The following CPS1 variants were observed in gnomAD, a reference collection of about 807,000 sequenced individuals.
The protein encoded by CPS1 is carbamoyl-phosphate synthase [ammonia], mitochondrial.
Under a neutral mutation model 174.6 loss-of-function variants are expected in CPS1, and 109 were observed. The observed-to-expected ratio is 0.62, with a 90% CI of 0.53 to 0.73. The LOEUF (loss-of-function observed/expected upper bound fraction) is 0.73, where lower values mean the gene tolerates loss of function less well. CPS1 is among the 30% of genes least tolerant of loss of function. The pLI is 0.00. For missense variants in CPS1, 1,689 were observed against 1,821.9 expected, an observed-to-expected ratio of 0.93 and a Z score of 1.33; for synonymous variants, 637 against 632.0, an observed-to-expected ratio of 1.01 and a Z score of -0.12.
chr2:210,576,276 C>T, intron 2 of CPS1, 70 bp from the exon 3 acceptor site: 2 of 1,474,072 alleles, frequency 1.4e-6, no homozygotes, highest in Non-Finnish European at 1.9e-6. Flanking sequence ...TAATTCAGAG[C>T]ATGTATGCAG....
upstream of CPS1, among the ~76,000 whole-genome samples, chr2:210,551,946 C>T (rs1250682593): frequency 6.6e-6 from 1 of 151,950 alleles, no homozygotes; most frequent in Non-Finnish European, 1.5e-5. Flanking sequence ...CTCCTACCAG[C>T]TTGTCCTAGT....
intron 21 of CPS1, among the ~76,000 whole-genome samples, chr2:210,623,409 T>G (rs1056799378): frequency 2.8e-4 from 43 of 151,852 alleles, no homozygotes; most frequent in African/African-American, 1.0e-3. Flanking sequence ...TGTCTAATAT[T>G]CTGTAGGTTT....
intron 32 of CPS1, 44 bp from the exon 33 acceptor site, chr2:210,663,079 T>G (rs769493305): frequency 5.8e-6 from 9 of 1,545,188 alleles, no homozygotes; most frequent in Non-Finnish European, 7.1e-6. Context: ...TTTTCTACTT[T>G]TCCCTCACAT....
chr2:210,578,889 T>C (rs1388061245), intron 4 of CPS1, among the ~76,000 whole-genome samples: 2 of 152,162 alleles, frequency 1.3e-5, no homozygotes, highest in East Asian at 1.9e-4. Flanking sequence ...AGCTTTTCTA[T>C]GTCAGAACTA....
At chr2:210,495,523 C>T (rs751898428) in intron 1 of CPS1, among the ~76,000 whole-genome samples, 4 of 152,182 alleles carry the variant, frequency 2.6e-5, no homozygotes, top group Non-Finnish European at 4.4e-5. Flanking sequence ...TCAGTACCCA[C>T]TCTGTCCCCA....
chr2:210,579,845 C>T, intron 5 of CPS1, 75 bp downstream of exon 5: 12 of 1,195,302 alleles, frequency 1.0e-5, no homozygotes, highest in Non-Finnish European at 1.2e-5. Context: ...GTGTTTCCCT[C>T]AGTGCCTAAG....
At chr2:210,586,777 A>G (rs1014456241) in intron 6 of CPS1, among the ~76,000 whole-genome samples, 21 of 152,086 alleles carry the variant, frequency 1.4e-4, no homozygotes, top group African/African-American at 4.8e-4. Flanking sequence ...TCTTAATGTC[A>G]GTGCAATTAA....
At chr2:210,666,691 T>C (rs748402402) in intron 33 of CPS1, among the ~76,000 whole-genome samples, 2 of 152,226 alleles carry the variant, frequency 1.3e-5, no homozygotes, top group African/African-American at 4.8e-5. Context: ...TCTATATCTC[T>C]GTTTTGGTAC....
intron 1 of CPS1, among the ~76,000 whole-genome samples, chr2:210,482,185 A>T (rs1055015181): frequency 2.0e-5 from 3 of 152,242 alleles, no homozygotes; most frequent in African/African-American, 7.2e-5. Flanking sequence ...CGGAAGCAGC[A>T]ATTCTCATAC....
At chr2:210,630,689 C>A (rs1388112087) in intron 21 of CPS1, among the ~76,000 whole-genome samples, 1 of 152,142 alleles carries the variant, frequency 6.6e-6, no homozygotes, top group Admixed American at 6.5e-5. Context: ...TAGTGCCTAC[C>A]CAATTGCCTG....
chr2:210,482,716 G>A lies in CPS1; in HGVS notation c.3+4950G>A, dbSNP rs561542981. Among the ~76,000 whole-genome samples, 28 of 152,084 alleles carry A rather than the reference G, an allele frequency of 1.8e-4. No homozygotes were observed. In the South Asian group the frequency reaches 5.8e-3, roughly 32 times the overall value. The stretch of plus-strand genomic sequence containing the variant: ...AGAGAGCACAATTCTGAATATAAAA[G>A]CCATGGTTCTAAAGGTTAACAGACT... On this transcript the variant is annotated intron_variant, in intron 1 of 38. Transcript: ENST00000430249.
intron 36 of CPS1, 134 bp from the exon 37 acceptor site, chr2:210,676,873 A>G (rs1453157193): frequency 2.6e-6 from 2 of 764,056 alleles, no homozygotes; most frequent in Non-Finnish European, 4.6e-6. Flanking sequence ...CTACTTAGCA[A>G]TAGAGGAGGG....
chr2:210,633,002 T>A lies in CPS1; in HGVS notation c.2688-4700T>A, dbSNP rs538911666. On this transcript the variant is annotated intron_variant, in intron 21 of 37. Coordinates refer to ENST00000233072, the MANE Select transcript of CPS1 (RefSeq NM_001875.5). ...TTTTTGGCTCACCAAGAAAATGTCC[T>A]AAGAATCAACTAGTGAGATTAAAAT... Among the ~76,000 whole-genome samples the A allele has an allele frequency of 1.2e-4, 18 of 152,358 alleles. No individual in the cohort carries two copies. In the South Asian group the frequency reaches 3.7e-3, roughly 32 times the overall value.
At chr2:210,617,404 A>G (rs1699347667) in intron 21 of CPS1, among the ~76,000 whole-genome samples, 1 of 152,046 alleles carries the variant, frequency 6.6e-6, no homozygotes, top group Non-Finnish European at 1.5e-5. Context: ...TTTTGTTTGT[A>G]TAAAAATTGT....
chr2:210,554,851 AC>A (rs1696855457), upstream of CPS1, among the ~76,000 whole-genome samples: 1 of 151,604 alleles, frequency 6.6e-6, no homozygotes, highest in Non-Finnish European at 1.5e-5. Context: ...ACACACACAC[AC>A]ACACACACAC....
chr2:210,577,924 G>C (rs1697769641), intron 4 of CPS1, among the ~76,000 whole-genome samples: 1 of 151,626 alleles, frequency 6.6e-6, no homozygotes, highest in African/African-American at 2.4e-5. Context: ...CTTTGTGCAG[G>C]TCACATAATC....
intron 10 of CPS1, 75 bp from the exon 11 acceptor site, chr2:210,592,804 T>C (rs951200996): frequency 1.4e-6 from 2 of 1,403,456 alleles, no homozygotes; most frequent in East Asian, 2.3e-5. Context: ...GCTTTATTGT[T>C]CCCTGAATAA....
intron 13 of CPS1, among the ~76,000 whole-genome samples, chr2:210,598,432 GC>G (rs1698575263): frequency 6.6e-6 from 1 of 151,620 alleles, no homozygotes; most frequent in African/African-American, 2.4e-5. Flanking sequence ...GGATAAAAAA[GC>G]AAAACCCAAT....
chr2:210,573,976 C>A (rs1454195004), intron 2 of CPS1, among the ~76,000 whole-genome samples: 1 of 151,232 alleles, frequency 6.6e-6, no homozygotes, highest in Non-Finnish European at 1.5e-5. Context: ...TCAACTGTGA[C>A]CTGCCTTAGT....
Sources: gnomAD v4.1 joint callset for allele counts (sites outside exome capture counted in the v4.1 genomes callset) on GRCh38, gnomAD v4.1.1 for gene constraint, MANE v1.5 for transcripts, NCBI Gene and HGNC (gene_info 2026-07-23, HGNC 2026-07-21) for gene names.